Variants in DPP6 observed in about 807,000 individuals in gnomAD.
DPP6 encodes the protein A-type potassium channel modulatory protein DPP6.
Under a neutral mutation model 122.6 loss-of-function variants are expected in DPP6, and 69 were observed. That is an observed-to-expected ratio of 0.56 (90% confidence interval 0.46 to 0.69). DPP6 has a LOEUF of 0.69. Among genes scored for constraint, DPP6 ranks in the 30% least tolerant of loss-of-function variants. DPP6 has a pLI of 0.00. For missense variants in DPP6, 928 were observed against 1,116.9 expected (o/e 0.83, Z 2.41); for synonymous variants, 418 against 433.1 (o/e 0.97, Z 0.43).
At chr7:154,023,425 C>T (rs1406055435) in intron 1 of DPP6, among the ~76,000 whole-genome samples, 2 of 151,432 alleles carry the variant, frequency 1.3e-5, no homozygotes, top group African/African-American at 2.4e-5. Context: ...ATCAGCATCA[C>T]GAAAGCCTAC....
At chr7:154,270,188 A>G (rs1014431348) in intron 1 of DPP6, among the ~76,000 whole-genome samples, 1 of 152,164 alleles carries the variant, frequency 6.6e-6, no homozygotes, top group African/African-American at 2.4e-5. Flanking sequence ...TTGTATAATC[A>G]TTAAGCGTAT....
chr7:154,377,895 G>A (rs1413058615), intron 1 of DPP6, among the ~76,000 whole-genome samples: 2 of 152,152 alleles, frequency 1.3e-5, no homozygotes, highest in African/African-American at 4.8e-5. Context: ...TGAGCCACTT[G>A]GGCACTGCAT....
At chr7:154,850,283 C>T (rs533861179) in intron 16 of DPP6, among the ~76,000 whole-genome samples, 8 of 152,156 alleles carry the variant, frequency 5.3e-5, no homozygotes, top group African/African-American at 1.4e-4. Flanking sequence ...TGAGAACATA[C>T]GATGTTTGGT....
intron 1 of DPP6, among the ~76,000 whole-genome samples, chr7:153,964,203 T>A (rs544023352): frequency 8.5e-5 from 13 of 152,156 alleles, no homozygotes; most frequent in African/African-American, 2.9e-4. Flanking sequence ...ACCATGTTGA[T>A]CAAGCTGATC....
chr7:154,776,199 TGATAGATAGATAGATAGATA>T (rs5888595), intron 10 of DPP6, among the ~76,000 whole-genome samples: 1 of 148,442 alleles, frequency 6.7e-6, no homozygotes, highest in African/African-American at 2.5e-5. Context: ...CCATGATAGA[TGATAGATAGATAGATAGATA>T]GATAGATAGA....
intron 1 of DPP6, among the ~76,000 whole-genome samples, 154 bp downstream of exon 1, chr7:154,053,217 G>A (rs1194643316): frequency 4.1e-5 from 3 of 72,498 alleles, no homozygotes; most frequent in Non-Finnish European, 8.0e-5. Context: ...GCTCCGTGGC[G>A]CCAGATCGCG....
chr7:154,318,580 T>C (rs1807639787), intron 1 of DPP6, among the ~76,000 whole-genome samples: 1 of 152,242 alleles, frequency 6.6e-6, no homozygotes, highest in South Asian at 2.1e-4. Context: ...CCTTGACTGA[T>C]ACTTGTTGAG....
the DPP6 span, among the ~76,000 whole-genome samples, chr7:153,809,240 G>T: frequency 6.6e-6 from 1 of 151,942 alleles, no homozygotes. Context: ...TGTTTTACTT[G>T]GGTTATTTGA....
intron 1 of DPP6, among the ~76,000 whole-genome samples, chr7:154,066,041 T>TTG (rs1413971128): frequency 6.7e-6 from 1 of 148,188 alleles, no homozygotes; most frequent in African/African-American, 2.5e-5. Flanking sequence ...AGGTTCAGAT[T>TTG]TGTTTTTTTT....
chr7:154,666,206 T>TACATACATAC (rs369121970), intron 6 of DPP6, among the ~76,000 whole-genome samples: 3,958 of 145,438 alleles, frequency 0.027, 161 homozygotes, highest in African/African-American at 0.081. Flanking sequence ...TATATACACA[T>TACATACATAC]ATACATACAT....
chr7:154,438,359 A>G (rs1408532642), intron 1 of DPP6, among the ~76,000 whole-genome samples: 4 of 149,800 alleles, frequency 2.7e-5, no homozygotes, highest in African/African-American at 9.8e-5. Context: ...AGTCCCAGCT[A>G]CTCAGGAGGC....
chr7:154,521,261 AC>A (rs1470365983), intron 3 of DPP6, among the ~76,000 whole-genome samples: 1 of 151,408 alleles, frequency 6.6e-6, no homozygotes, highest in African/African-American at 2.4e-5. Flanking sequence ...TTTCACCTTC[AC>A]CCCTCTCAAC....
chr7:154,307,790 A>T (rs1419951200), intron 1 of DPP6, among the ~76,000 whole-genome samples: 4 of 151,906 alleles, frequency 2.6e-5, no homozygotes, highest in Non-Finnish European at 5.9e-5. Context: ...CTGGTTGCTA[A>T]TGAAACTTCA....
chr7:154,078,981 G>A (rs1381109488), intron 1 of DPP6, among the ~76,000 whole-genome samples: 2 of 150,212 alleles, frequency 1.3e-5, no homozygotes, highest in African/African-American at 2.4e-5. Context: ...TACCTGGGCC[G>A]GGTGTGGTGG....
the DPP6 span, among the ~76,000 whole-genome samples, chr7:153,822,998 C>G: frequency 1.3e-5 from 2 of 152,086 alleles, no homozygotes; most frequent in Non-Finnish European, 2.9e-5. Flanking sequence ...AAGCTTCACT[C>G]AAGTGCATTT....
At chr7:154,141,184 A>G (rs1795825953) in intron 1 of DPP6, among the ~76,000 whole-genome samples, 1 of 152,226 alleles carries the variant, frequency 6.6e-6, no homozygotes, top group Non-Finnish European at 1.5e-5. Flanking sequence ...AAGGATATTC[A>G]ATTTTAGAAA....
chr7:154,750,919 G>A (rs921014787), intron 8 of DPP6, among the ~76,000 whole-genome samples: 2 of 152,200 alleles, frequency 1.3e-5, no homozygotes, highest in Non-Finnish European at 2.9e-5. Flanking sequence ...CTGAGGGGAT[G>A]GGGCTCTGGG....
At chr7:153,941,677 A>G (rs1801703973) in intron 1 of DPP6, among the ~76,000 whole-genome samples, 1 of 152,220 alleles carries the variant, frequency 6.6e-6, no homozygotes, top group African/African-American at 2.4e-5. Context: ...CTTTTTCAGA[A>G]ACGGGAATTC....
intron 1 of DPP6, among the ~76,000 whole-genome samples, chr7:153,896,009 C>T (rs1438128984): frequency 6.6e-6 from 1 of 152,208 alleles, no homozygotes; most frequent in Non-Finnish European, 1.5e-5. Context: ...GCCTGTTTTG[C>T]AAGGCACCAA....
Sources: gnomAD v4.1 joint callset for allele counts (sites outside exome capture counted in the v4.1 genomes callset) on GRCh38, gnomAD v4.1.1 for gene constraint, MANE v1.5 for transcripts, NCBI Gene and HGNC (gene_info 2026-07-23, HGNC 2026-07-21) for gene names.